Variants in PDE1A observed in about 807,000 individuals in gnomAD.
The protein encoded by PDE1A is dual specificity calcium/calmodulin-dependent 3',5'-cyclic nucleotide phosphodiesterase 1A.
A neutral mutation model predicts 61.7 loss-of-function variants in PDE1A; 35 were observed. The ratio of observed to expected loss-of-function variants is 0.57; its 90% confidence interval spans 0.43 to 0.75. PDE1A has a LOEUF of 0.75. Among genes scored for constraint, PDE1A ranks in the 30% least tolerant of loss-of-function variants. PDE1A has a pLI of 0.00. For synonymous variants in PDE1A, 232 were observed against 213.2 expected (o/e 1.09, Z -0.77); for missense variants, 597 against 630.6 (o/e 0.95, Z 0.57).
intron 1 of PDE1A, among the ~76,000 whole-genome samples, chr2:182,377,459 C>A (rs1006054000): frequency 2.0e-4 from 31 of 152,212 alleles, no homozygotes; most frequent in Non-Finnish European, 4.4e-4. Context: ...CCAATTAAAT[C>A]TCTTTTCCTA....
intron 2 of PDE1A, among the ~76,000 whole-genome samples, chr2:182,260,142 A>C (rs1471849089): frequency 6.6e-6 from 1 of 152,222 alleles, no homozygotes; most frequent in African/African-American, 2.4e-5. Flanking sequence ...GAAATTCTGC[A>C]ATCATTAAGG....
the PDE1A span, among the ~76,000 whole-genome samples, chr2:182,602,276 G>T: frequency 6.6e-6 from 1 of 152,206 alleles, no homozygotes; most frequent in Non-Finnish European, 1.5e-5. Flanking sequence ...AACTCAGAAG[G>T]GGCAGGGCTC....
chr2:182,397,954 A>T (rs1030423723), intron 1 of PDE1A, among the ~76,000 whole-genome samples: 8 of 152,122 alleles, frequency 5.3e-5, no homozygotes, highest in Non-Finnish European at 8.8e-5. Context: ...TATTCTATGT[A>T]CAGTAATATT....
chr2:182,154,795 A>G (rs764589538), intron 13 of PDE1A, among the ~76,000 whole-genome samples: 1 of 152,178 alleles, frequency 6.6e-6, no homozygotes, highest in Non-Finnish European at 1.5e-5. Context: ...TACAGAAATC[A>G]TTTAAAAAAC....
chr2:182,656,397 TA>T, the PDE1A span, among the ~76,000 whole-genome samples: 3 of 152,370 alleles, frequency 2.0e-5, no homozygotes, highest in Non-Finnish European at 2.9e-5. Context: ...GATTTAGCTA[TA>T]ATGCACATTC....
chr2:182,276,915 G>A (rs757567679), intron 1 of PDE1A, among the ~76,000 whole-genome samples: 19 of 151,992 alleles, frequency 1.3e-4, no homozygotes, highest in African/African-American at 3.9e-4. Flanking sequence ...CAGTACCCTC[G>A]GGCTTATTAG....
intron 1 of PDE1A, among the ~76,000 whole-genome samples, chr2:182,389,353 A>C (rs148864280): frequency 2.2e-3 from 335 of 152,304 alleles, no homozygotes; most frequent in African/African-American, 7.6e-3. Flanking sequence ...GGGTGTTTTG[A>C]ATATATGAGG....
chr2:182,658,992 A>G, the PDE1A span, among the ~76,000 whole-genome samples: 2 of 152,174 alleles, frequency 1.3e-5, no homozygotes, highest in Non-Finnish European at 2.9e-5. Context: ...CGGAATTGAA[A>G]GAAAAACTCA....
At chr2:182,264,330 C>T (rs778610816) in exon 2 of PDE1A, 31 of 1,612,780 alleles carry the variant, frequency 1.9e-5, no homozygotes, top group South Asian at 4.4e-5. Flanking sequence ...CTGCTTCCAG[C>T]ACAGATGCCG....
chr2:182,292,898 GCAAACTTAAAAAATATTGT>G lies in PDE1A; in HGVS notation c.54-28503_54-28485del, dbSNP rs558928418. 4.0e-3 allele frequency among the ~76,000 whole-genome samples: 610 copies of G among 151,920 alleles called. 4 individuals carry two copies. The highest frequency in any genetic ancestry group is 0.014 in the Middle Eastern group (4 of 292). ...GAAGTCATATTGTATATACTATTTTGCAAACTTAAAAAATATTGTCAGTGTATCATTGTGAGGTTTCCAA... is the reference window on the plus strand; with the variant it reads ...GAAGTCATATTGTATATACTATTTTGCAGTGTATCATTGTGAGGTTTCCAA... On this transcript the variant is annotated intron_variant, in intron 1 of 13. Transcript: ENST00000351439.
chr2:182,291,498 C>T (rs943899850), intron 1 of PDE1A, among the ~76,000 whole-genome samples: 5 of 152,126 alleles, frequency 3.3e-5, no homozygotes, highest in Non-Finnish European at 2.9e-5. Context: ...CATGACTGTA[C>T]TGCCTCTGGA....
chr2:182,387,053 C>A (rs1306714121), intron 1 of PDE1A, among the ~76,000 whole-genome samples: 1 of 152,160 alleles, frequency 6.6e-6, no homozygotes, highest in African/African-American at 2.4e-5. Flanking sequence ...ACATGGGAGA[C>A]TTCATTTTGT....
At chr2:182,694,847 TG>T in the PDE1A span, among the ~76,000 whole-genome samples, 3 of 149,590 alleles carry the variant, frequency 2.0e-5, no homozygotes, top group Non-Finnish European at 4.4e-5. Context: ...AACAGTTGTT[TG>T]TTTGTTTTTT....
intron 2 of PDE1A, among the ~76,000 whole-genome samples, chr2:182,452,920 G>C (rs1179443560): frequency 2.6e-5 from 4 of 151,982 alleles, no homozygotes; most frequent in African/African-American, 9.7e-5. Flanking sequence ...CTGTAAATAG[G>C]TACTAGCCAA....
At chr2:182,532,923 G>C in the PDE1A span, among the ~76,000 whole-genome samples, 5 of 111,508 alleles carry the variant, frequency 4.5e-5, no homozygotes, top group African/African-American at 1.7e-4. Context: ...TCCAGCCTGG[G>C]GGACACAGCG....
At chr2:182,242,139 G>T in intron 2 of PDE1A, 1 of 1,143,194 alleles carries the variant, frequency 8.7e-7, no homozygotes, top group Non-Finnish European at 1.1e-6. Flanking sequence ...TCCTTAGAAT[G>T]ACAGAAACCT....
At chr2:182,657,828 T>C in the PDE1A span, among the ~76,000 whole-genome samples, 1 of 152,086 alleles carries the variant, frequency 6.6e-6, no homozygotes, top group African/African-American at 2.4e-5. Flanking sequence ...TGTCCCTTTG[T>C]AGATGAGAGA....
rs1038970569 is a variant in PDE1A, at chr2:182,187,737, C to CTTTTTTTTTTTTTTTTTTTTTTTTTT, written c.1208-1150_1208-1149insAAAAAAAAAAAAAAAAAAAAAAAAAA. Among the ~76,000 whole-genome samples, 4 of 66,382 alleles carry CTTTTTTTTTTTTTTTTTTTTTTTTTT rather than the reference C, an allele frequency of 6.0e-5. 1 individual carries two copies. The highest frequency in any genetic ancestry group is 1.3e-4 in the African/African-American group (2 of 15,318). 43.5% of individuals were successfully genotyped at this position (66,382 alleles called of 152,430 possible). On this transcript the variant is annotated intron_variant, in intron 11 of 13. Coordinates refer to ENST00000351439, the Ensembl canonical transcript of PDE1A. ...TTAAGTTCTATGTTCTTTTTTTGTT[C>CTTTTTTTTTTTTTTTTTTTTTTTTTT]TTTTTTTTTTTTTTTTTTTTTTTTT...
intron 1 of PDE1A, among the ~76,000 whole-genome samples, chr2:182,374,567 T>A (rs975020119): frequency 1.3e-5 from 2 of 152,034 alleles, no homozygotes; most frequent in African/African-American, 4.8e-5. Context: ...GAAGAAAAAA[T>A]TCATCAGACA....
Sources: gnomAD v4.1 joint callset for allele counts (sites outside exome capture counted in the v4.1 genomes callset) on GRCh38, gnomAD v4.1.1 for gene constraint, MANE v1.5 for transcripts, NCBI Gene and HGNC (gene_info 2026-07-23, HGNC 2026-07-21) for gene names.